SSH2: variants seen among roughly 807,000 people sequenced by gnomAD.
SSH2 encodes the protein slingshot protein phosphatase 2, also known as protein phosphatase Slingshot homolog 2.
SSH2 carries 37 observed loss-of-function variants against 135.2 expected under a neutral mutation model. The ratio of observed to expected loss-of-function variants is 0.27; its 90% CI spans 0.21 to 0.36. The LOEUF (loss-of-function observed/expected upper bound fraction) is 0.36. Among genes scored for constraint, SSH2 ranks in the 10% least tolerant of loss-of-function variants. The pLI is 1.00. For missense variants in SSH2, 1,408 were observed against 1,765.3 expected, an observed-to-expected ratio of 0.80 and a Z score of 3.63; for synonymous variants, 628 against 646.2, an observed-to-expected ratio of 0.97 and a Z score of 0.43.
intron 5 of SSH2, among the ~76,000 whole-genome samples, chr17:29,688,133 C>T (rs2038305399): frequency 6.6e-6 from 1 of 151,874 alleles, no homozygotes; most frequent in Admixed American, 6.6e-5. Flanking sequence ...GCCTCAGCCT[C>T]CCAAGTAAAC....
rs537552835 is a variant in SSH2, at chr17:29,700,934, C to T, written c.292+2025G>A. 3.0e-4 allele frequency among the ~76,000 whole-genome samples: 45 copies of T among 151,806 alleles called. No homozygotes were observed. The East Asian group carries it at 7.2e-3, about 24-fold the overall frequency. ...CCTCCTGAGTAGCTGGGACTACAGG[C>T]GCGCACCACCATGCCTGCTAATTTT... On this transcript the variant is annotated intron_variant, in intron 4 of 15. Transcript: ENST00000540801.
chr17:29,864,362 A>G (rs1326994221), intron 1 of SSH2: 3 of 151,596 alleles, frequency 2.0e-5, no homozygotes, highest in African/African-American at 7.3e-5. Flanking sequence ...AAAAATACTA[A>G]AAGAACCCAG....
chr17:29,659,978 G>A (rs1486814378), intron 11 of SSH2, among the ~76,000 whole-genome samples: 1 of 151,438 alleles, frequency 6.6e-6, no homozygotes, highest in Admixed American at 6.6e-5. Context: ...TTACAGGCAC[G>A]CACCATCATA....
intron 1 of SSH2, among the ~76,000 whole-genome samples, chr17:29,867,986 G>A (rs1206788275): frequency 6.6e-6 from 1 of 152,126 alleles, no homozygotes; most frequent in South Asian, 2.1e-4. Flanking sequence ...ACCACAAGAT[G>A]TCCTCACACT....
intron 3 of SSH2, among the ~76,000 whole-genome samples, chr17:29,752,094 T>C (rs115891784): frequency 0.013 from 2,039 of 152,336 alleles, 40 homozygotes; most frequent in African/African-American, 0.047. Flanking sequence ...ACATTCTTCA[T>C]TGGGCAGGCT....
At chr17:29,815,355 C>T (rs573718170) in intron 2 of SSH2, among the ~76,000 whole-genome samples, 1 of 152,198 alleles carries the variant, frequency 6.6e-6, no homozygotes, top group South Asian at 2.1e-4. Context: ...ACCTCCTGAC[C>T]TCGTGATCCG....
Position 29,746,547 on chromosome 17 carries a change from CAAAAAAAAA to C in SSH2, c.189-43494_189-43486del, listed in dbSNP as rs57217896. Among the ~76,000 whole-genome samples, 13 of 67,936 alleles carry C rather than the reference CAAAAAAAAA, an allele frequency of 1.9e-4. No homozygotes were observed. In the South Asian group the frequency reaches 4.6e-3, roughly 24 times the overall value. The allele number at this position is 67,936 out of a possible 152,430, so 44.6% of individuals were successfully genotyped here. A position where few individuals can be genotyped will look rare whatever the true frequency, so the allele number is the denominator to read the frequency against. ...TGGGCGACAGAGTGAGACTCTGTCT[CAAAAAAAAA>C]AAAAAAAAAAAAAAAAGGAAAAAAG... On this transcript the variant is annotated intron_variant, in intron 3 of 15. Transcript: ENST00000540801.
chr17:29,723,753 C>A (rs915441002), intron 3 of SSH2, among the ~76,000 whole-genome samples: 2 of 152,062 alleles, frequency 1.3e-5, no homozygotes, highest in African/African-American at 4.8e-5. Context: ...GTGAGAAAGC[C>A]CACATTTGTC....
intron 3 of SSH2, among the ~76,000 whole-genome samples, chr17:29,768,608 C>T (rs987493238): frequency 1.7e-4 from 26 of 152,114 alleles, no homozygotes; most frequent in Admixed American, 1.6e-3. Context: ...GAAGATAATA[C>T]AATTTTAAAT....
At chr17:29,838,803 C>T in intron 2 of SSH2, 1 of 158,154 alleles carries the variant, frequency 6.3e-6, no homozygotes, top group Non-Finnish European at 1.4e-5. Flanking sequence ...CTTCACCTTG[C>T]ACACCCTCCA....
intron 14 of SSH2, among the ~76,000 whole-genome samples, chr17:29,643,859 T>C (rs2036267091): frequency 6.6e-6 from 1 of 152,190 alleles, no homozygotes; most frequent in Non-Finnish European, 1.5e-5. Flanking sequence ...TCCTAGGCAA[T>C]GGGTGGGGAG....
intron 3 of SSH2, chr17:29,716,712 G>C: frequency 1.7e-6 from 1 of 588,144 alleles, no homozygotes; most frequent in Admixed American, 2.0e-5. Context: ...GAAGATGGCA[G>C]TTCCGGCTGA....
intron 1 of SSH2, among the ~76,000 whole-genome samples, chr17:29,904,659 G>C (rs947546868): frequency 1.3e-5 from 2 of 152,084 alleles, no homozygotes; most frequent in Admixed American, 1.3e-4. Flanking sequence ...AAGGCAATCA[G>C]GCAAGAGAAA....
chr17:29,908,763 G>GGA (rs2066704615), intron 1 of SSH2, among the ~76,000 whole-genome samples: 4 of 50,888 alleles, frequency 7.9e-5, no homozygotes, highest in African/African-American at 1.1e-4. Flanking sequence ...GACTCCATCT[G>GGA]AAAAAAAAAA....
intron 2 of SSH2, among the ~76,000 whole-genome samples, chr17:29,810,487 G>T (rs1477657127): frequency 1.3e-5 from 2 of 152,158 alleles, no homozygotes; most frequent in Non-Finnish European, 2.9e-5. Context: ...CCAGAAAATA[G>T]TTCATTAATT....
At chr17:29,902,907 C>T (rs898661293) in intron 1 of SSH2, among the ~76,000 whole-genome samples, 1 of 151,948 alleles carries the variant, frequency 6.6e-6, no homozygotes, top group Non-Finnish European at 1.5e-5. Flanking sequence ...ATAAACTGTC[C>T]AGGCACAGTG....
chr17:29,701,250 C>T lies in SSH2; in HGVS notation c.292+1709G>A, dbSNP rs770928948. Among the ~76,000 whole-genome samples the T allele has an allele frequency of 8.6e-5, 13 of 152,042 alleles. 1 individual carries two copies. Among genetic ancestry groups the T allele is most frequent in the Non-Finnish European group, 5.9e-5 (4 of 68,008 alleles). Reference sequence around the variant, plus strand: ...CCTCCCAAAGTGCCGGGATTACAGGCGTGAGCCACTGTGCCCGGCCTAATT... The same window carrying T: ...CCTCCCAAAGTGCCGGGATTACAGGTGTGAGCCACTGTGCCCGGCCTAATT... On this transcript the variant is annotated intron_variant, in intron 4 of 15. Coordinates refer to ENST00000540801, the MANE Select transcript of SSH2 (RefSeq NM_001282129.2).
intron 8 of SSH2, 158 bp downstream of exon 8, chr17:29,676,662 T>C (rs1253990750): frequency 3.4e-6 from 2 of 590,180 alleles, no homozygotes; most frequent in Non-Finnish European, 5.9e-6. Flanking sequence ...TTGCAACAAT[T>C]TGAATATTGC....
intron 11 of SSH2, 114 bp from the exon 12 acceptor site, chr17:29,655,721 G>T: frequency 1.1e-6 from 1 of 886,026 alleles, no homozygotes; most frequent in Non-Finnish European, 1.9e-6. Context: ...ATCTACCAGT[G>T]CCCTTTAAGT....
Sources: gnomAD v4.1 joint callset for allele counts (sites outside exome capture counted in the v4.1 genomes callset) on GRCh38, gnomAD v4.1.1 for gene constraint, MANE v1.5 for transcripts, NCBI Gene and HGNC (gene_info 2026-07-23, HGNC 2026-07-21) for gene names.